CAPRIN2: variants seen among roughly 807,000 people sequenced by gnomAD.
The protein encoded by CAPRIN2 is caprin-2.
Under a neutral mutation model 130.4 loss-of-function variants are expected in CAPRIN2, and 66 were observed. The observed-to-expected ratio is 0.51, with a 90% CI of 0.42 to 0.62. The LOEUF is 0.62. Among genes scored for constraint, CAPRIN2 ranks in the 20% least tolerant of loss-of-function variants. The probability of loss-of-function intolerance (pLI) is 0.00; values close to 1 mark genes in which losing one functional copy is unlikely to be tolerated. For missense variants in CAPRIN2, 1,185 were observed against 1,246.6 expected, an observed-to-expected ratio of 0.95 and a Z score of 0.74; for synonymous variants, 471 against 444.1, an observed-to-expected ratio of 1.06 and a Z score of -0.76.
chr12:30,712,270 A>G (rs1424513814), intron 15 of CAPRIN2, among the ~76,000 whole-genome samples: 1 of 152,220 alleles, frequency 6.6e-6, no homozygotes, highest in Non-Finnish European at 1.5e-5. Context: ...TTGAAACAGG[A>G]CAAGAAGGTA....
intron 14 of CAPRIN2, among the ~76,000 whole-genome samples, 183 bp from the exon 17 acceptor site, chr12:30,714,068 T>C (rs10843818): frequency 0.29 from 43,637 of 152,112 alleles, 6,451 homozygotes; most frequent in Non-Finnish European, 0.33. Context: ...AGAACATTGC[T>C]GTCTTCAAAT....
At chr12:30,725,720 T>C (rs1265082912) in intron 9 of CAPRIN2, among the ~76,000 whole-genome samples, 1 of 152,126 alleles carries the variant, frequency 6.6e-6, no homozygotes, top group Non-Finnish European at 1.5e-5. Context: ...CAAGTTAAGC[T>C]TTTCACATGC....
intron 1 of CAPRIN2, among the ~76,000 whole-genome samples, chr12:30,752,532 A>G (rs1193036594): frequency 2.0e-5 from 3 of 151,306 alleles, no homozygotes; most frequent in Middle Eastern, 3.2e-3. Flanking sequence ...AGAGCTACAG[A>G]GAAGCTACTA....
intron 4 of CAPRIN2, 143 bp downstream of exon 5, chr12:30,734,822 TTTC>T (rs1464063475): frequency 4.6e-6 from 3 of 651,568 alleles, no homozygotes; most frequent in South Asian, 1.9e-5. Flanking sequence ...AAATTAATAC[TTTC>T]TTAAGTTCTC....
At chr12:30,711,572 A>G in exon 16 of CAPRIN2, 1 of 1,613,358 alleles carries the variant, frequency 6.2e-7, no homozygotes, top group South Asian at 1.1e-5. Flanking sequence ...TTACCTCTCG[A>G]ATTTGCTCGT....
At chr12:30,727,927 G>T (rs1011715690) in intron 8 of CAPRIN2, among the ~76,000 whole-genome samples, 2 of 152,118 alleles carry the variant, frequency 1.3e-5, no homozygotes, top group African/African-American at 4.8e-5. Flanking sequence ...AGAAGCAAGA[G>T]AATATAGAAA....
At chr12:30,733,778 T>A in intron 4 of CAPRIN2, 67 bp from the exon 6 acceptor site, 1 of 1,000,522 alleles carries the variant, frequency 1.0e-6, no homozygotes, top group Non-Finnish European at 1.6e-6. Context: ...GCAGCACAAT[T>A]TATGCAATAT....
At chr12:30,737,171 A>AT (rs529623153) in intron 3 of CAPRIN2, among the ~76,000 whole-genome samples, 42 of 146,190 alleles carry the variant, frequency 2.9e-4, no homozygotes, top group Admixed American at 3.4e-4. Flanking sequence ...TGCCTGGCTA[A>AT]TTTTTTTTTT....
chr12:30,751,248 G>C (rs545695594), intron 1 of CAPRIN2, 115 bp from the exon 3 acceptor site: 7 of 793,956 alleles, frequency 8.8e-6, no homozygotes, highest in Non-Finnish European at 1.5e-5. Flanking sequence ...CTATCAATCT[G>C]CAAGACTATC....
chr12:30,735,837 A>G (rs2064491982), intron 3 of CAPRIN2, among the ~76,000 whole-genome samples: 2 of 152,124 alleles, frequency 1.3e-5, no homozygotes, highest in African/African-American at 4.8e-5. Flanking sequence ...CAGAAAATCA[A>G]TGGAGCTTAA....
chr12:30,716,675 A>C, exon 13 of CAPRIN2: 1 of 1,613,244 alleles, frequency 6.2e-7, no homozygotes, highest in Non-Finnish European at 8.5e-7. Flanking sequence ...AACGTTAAAT[A>C]CCTTAAAAGA....
Position 30,710,535 on chromosome 12 carries a change from A to G in CAPRIN2, c.2666-65T>C, listed in dbSNP as rs764743499. The G allele has an allele frequency of 1.8e-5, 28 of 1,597,232 alleles. No homozygotes were observed. The highest frequency in any genetic ancestry group is 4.5e-5 in the East Asian group (2 of 44,680). ...GTTAGCTTTGAACACAATATTTAACATTAGTCGGCTACTGAAACAGACAAA... is the reference window on the plus strand; with the variant it reads ...GTTAGCTTTGAACACAATATTTAACGTTAGTCGGCTACTGAAACAGACAAA... On this transcript the variant is annotated intron_variant, in intron 16 of 16. Coordinates refer to ENST00000298892, the Ensembl canonical transcript of CAPRIN2. The surrounding 1 kb of genome is among the most constrained non-coding windows in gnomAD (Gnocchi z 4.8).
exon 1 of CAPRIN2, chr12:30,753,789 C>G: frequency 6.3e-7 from 1 of 1,576,268 alleles, no homozygotes. Context: ...ATTAGTGCCG[C>G]TAGCCAATAA....
At chr12:30,754,837 C>T (rs1004003328), upstream of CAPRIN2, 12 of 151,816 alleles carry the variant, frequency 7.9e-5, no homozygotes, top group Admixed American at 5.9e-4. Context: ...GGAGGTGGAC[C>T]GGCGCCACCC....
At chr12:30,725,557 T>G (rs1388768533) in intron 9 of CAPRIN2, among the ~76,000 whole-genome samples, 1 of 152,214 alleles carries the variant, frequency 6.6e-6, no homozygotes, top group Non-Finnish European at 1.5e-5. Context: ...AACATAAATT[T>G]ACAATCTTCT....
rs575191236 is a variant in CAPRIN2 at position 30,731,550 on chromosome 12, A to G, written c.893-40T>C. On this transcript the variant is annotated intron_variant, in intron 5 of 16. Transcript: ENST00000298892. Reference sequence around the variant, plus strand: ...TTAAGACTTAATTGTCACATGACCTAATTGAAAATTACTGGGAATAGAAAT... The same window carrying G: ...TTAAGACTTAATTGTCACATGACCTGATTGAAAATTACTGGGAATAGAAAT... 547 of 1,520,930 alleles carry G rather than the reference A, an allele frequency of 3.6e-4. 5 individuals are homozygous for G. The South Asian group carries it at 5.6e-3, about 16-fold the overall frequency. 94.2% of individuals were successfully genotyped at this position (1,520,930 alleles called of 1,614,324 possible).
intron 3 of CAPRIN2, among the ~76,000 whole-genome samples, chr12:30,738,585 T>C (rs1352538364): frequency 2.6e-5 from 4 of 152,166 alleles, no homozygotes; most frequent in African/African-American, 7.2e-5. Flanking sequence ...AGGGCTTTTA[T>C]GCAGCAAAAG....
At chr12:30,731,542 C>T in intron 5 of CAPRIN2, 32 bp from the exon 7 acceptor site, 1 of 1,562,334 alleles carries the variant, frequency 6.4e-7, no homozygotes, top group Non-Finnish European at 8.8e-7. Flanking sequence ...TTAATTGTCA[C>T]ATGACCTAAT....
chr12:30,749,813 G>A (rs1454288869), intron 2 of CAPRIN2, among the ~76,000 whole-genome samples: 1 of 152,182 alleles, frequency 6.6e-6, no homozygotes, highest in Non-Finnish European at 1.5e-5. Flanking sequence ...AGATATCAAA[G>A]TTCATACATT....
Sources: allele counts gnomAD v4.1 joint callset (sites outside exome capture counted in the v4.1 genomes callset), GRCh38; gene constraint gnomAD v4.1.1; non-coding constraint Gnocchi (gnomAD v3.1); transcripts MANE v1.5; gene names NCBI Gene and HGNC (gene_info 2026-07-23, HGNC 2026-07-21).